Variants in NAALADL2 observed in about 807,000 individuals in gnomAD.
NAALADL2 encodes inactive N-acetylated-alpha-linked acidic dipeptidase-like protein 2.
In NAALADL2, 76 loss-of-function variants were observed where a neutral mutation model predicts 87.2. That is an observed-to-expected ratio of 0.87 (90% CI 0.72 to 1.05). NAALADL2 has a LOEUF of 1.05. Among genes scored for constraint, NAALADL2 ranks in the 50% least tolerant of loss-of-function variants. The pLI is 0.00. For missense variants in NAALADL2, 1,089 were observed against 945.8 expected, an observed-to-expected ratio of 1.15 and a Z score of -1.99; for synonymous variants, 354 against 331.0, an observed-to-expected ratio of 1.07 and a Z score of -0.75.
intron 1 of NAALADL2, among the ~76,000 whole-genome samples, chr3:174,445,790 T>G (rs988588404): frequency 4.6e-5 from 7 of 152,106 alleles, no homozygotes; most frequent in African/African-American, 1.7e-4. Flanking sequence ...GAATAGATAT[T>G]TTTTCCCTTT....
chr3:174,591,723 T>C (rs1717379066), intron 2 of NAALADL2, among the ~76,000 whole-genome samples: 2 of 152,206 alleles, frequency 1.3e-5, no homozygotes, highest in South Asian at 2.1e-4. Flanking sequence ...AGTCTTTTTA[T>C]AGTTGTGAAT....
chr3:175,175,805 C>G (rs1379986125), intron 2 of NAALADL2, among the ~76,000 whole-genome samples: 4 of 152,060 alleles, frequency 2.6e-5, no homozygotes, highest in Non-Finnish European at 5.9e-5. Flanking sequence ...CAGGAATTAT[C>G]TTCTTAATAT....
At chr3:174,638,398 G>A (rs1373980098) in intron 2 of NAALADL2, among the ~76,000 whole-genome samples, 1 of 152,154 alleles carries the variant, frequency 6.6e-6, no homozygotes, top group Admixed American at 6.5e-5. Flanking sequence ...CACATAGGGA[G>A]ATGTGGGACA....
At chr3:175,443,791 G>T (rs1291808648) in intron 5 of NAALADL2, among the ~76,000 whole-genome samples, 1 of 152,118 alleles carries the variant, frequency 6.6e-6, no homozygotes, top group Admixed American at 6.6e-5. Context: ...AGAATTTATA[G>T]TTCAGAGGGA....
intron 1 of NAALADL2, among the ~76,000 whole-genome samples, chr3:174,488,163 A>G (rs1374884213): frequency 2.0e-5 from 3 of 152,004 alleles, no homozygotes; most frequent in Admixed American, 6.6e-5. Context: ...CCAAAGTCAT[A>G]TACTGCTTAT....
At position 174,533,429 on chromosome 3, in the gene NAALADL2, G is replaced by A. The variant is rs757177399; in HGVS notation, c.-183-17140G>A. ...TTCTCTTCTCTGTTAATCTCTATTG[G>A]CTCTCAAAAGCTACAGCTCCTAATA... is the stretch of plus-strand genomic sequence containing the variant. On this transcript the variant is annotated intron_variant, in intron 1 of 3. Transcript: ENST00000434257. 5.3e-4 allele frequency among the ~76,000 whole-genome samples: 80 copies of A among 151,960 alleles called. 3 individuals are homozygous for A. The highest frequency in any genetic ancestry group is 1.7e-3 in the Admixed American group (26 of 15,262).
intron 2 of NAALADL2, among the ~76,000 whole-genome samples, chr3:175,153,457 C>T (rs1731850293): frequency 6.6e-6 from 1 of 152,170 alleles, no homozygotes; most frequent in Non-Finnish European, 1.5e-5. Context: ...TTAAAGGATG[C>T]AGCTCTTCAT....
At chr3:174,475,477 G>A (rs1349318656) in intron 1 of NAALADL2, among the ~76,000 whole-genome samples, 1 of 151,464 alleles carries the variant, frequency 6.6e-6, no homozygotes. Flanking sequence ...TAGTTTCATA[G>A]AAATATATTC....
chr3:174,946,950 T>G (rs1400501595), intron 1 of NAALADL2, among the ~76,000 whole-genome samples: 2 of 152,280 alleles, frequency 1.3e-5, no homozygotes, highest in Non-Finnish European at 2.9e-5. Context: ...GCTCACAGAC[T>G]TAATAAAGGA....
intron 2 of NAALADL2, among the ~76,000 whole-genome samples, chr3:174,656,201 A>G (rs2108766642): frequency 6.6e-6 from 1 of 152,326 alleles, no homozygotes; most frequent in Admixed American, 6.5e-5. Context: ...TTTCACATGG[A>G]CCAGTAAAGA....
At chr3:175,163,619 A>T (rs1335661036) in intron 2 of NAALADL2, among the ~76,000 whole-genome samples, 6 of 152,130 alleles carry the variant, frequency 3.9e-5, no homozygotes, top group Non-Finnish European at 8.8e-5. Context: ...TATTACCATA[A>T]CAACTATTCA....
chr3:174,801,942 A>G (rs1177311473), intron 3 of NAALADL2, among the ~76,000 whole-genome samples: 2 of 152,050 alleles, frequency 1.3e-5, no homozygotes, highest in Non-Finnish European at 2.9e-5. Flanking sequence ...AATTAATGCT[A>G]AAATTGGTTC....
intron 1 of NAALADL2, among the ~76,000 whole-genome samples, chr3:174,900,804 A>AT (rs1732215423): frequency 6.6e-6 from 1 of 152,110 alleles, no homozygotes; most frequent in African/African-American, 2.4e-5. Context: ...TGATAAAAAT[A>AT]TGCCCTTTTT....
chr3:175,419,265 A>G (rs540995658), intron 5 of NAALADL2, among the ~76,000 whole-genome samples: 17 of 152,052 alleles, frequency 1.1e-4, no homozygotes, highest in African/African-American at 3.4e-4. Flanking sequence ...AGATAAATTG[A>G]ATTAGGTTTA....
chr3:175,065,626 G>A (rs769371601), intron 1 of NAALADL2, among the ~76,000 whole-genome samples: 2 of 152,148 alleles, frequency 1.3e-5, no homozygotes, highest in African/African-American at 4.8e-5. Context: ...TTGAAACAAG[G>A]AATGTAAGAG....
intron 11 of NAALADL2, among the ~76,000 whole-genome samples, chr3:175,697,495 TTA>T (rs1197525732): frequency 1.3e-5 from 2 of 151,104 alleles, no homozygotes; most frequent in African/African-American, 2.4e-5. Context: ...TGAGTTAGAG[TTA>T]TGGGATAACT....
chr3:175,361,097 C>G (rs903330908), intron 5 of NAALADL2, among the ~76,000 whole-genome samples: 1 of 151,802 alleles, frequency 6.6e-6, no homozygotes, highest in African/African-American at 2.4e-5. Context: ...CAATTCCCAC[C>G]TATGAGTGAG....
intron 4 of NAALADL2, among the ~76,000 whole-genome samples, chr3:175,284,239 T>C (rs1338846978): frequency 1.3e-5 from 2 of 151,176 alleles, no homozygotes; most frequent in Admixed American, 6.6e-5. Context: ...GGTGTGCATA[T>C]GTGTGTTACA....
At chr3:175,080,154 G>C (rs1186070177) in intron 1 of NAALADL2, among the ~76,000 whole-genome samples, 1 of 151,922 alleles carries the variant, frequency 6.6e-6, no homozygotes, top group African/African-American at 2.4e-5. Flanking sequence ...TTTAGTAGAG[G>C]CGGGTTTTCA....
Sources: allele counts gnomAD v4.1 joint callset (sites outside exome capture counted in the v4.1 genomes callset), GRCh38; gene constraint gnomAD v4.1.1; transcripts MANE v1.5; gene names NCBI Gene and HGNC (gene_info 2026-07-23, HGNC 2026-07-21).